Variants in TMEM132D observed in about 807,000 individuals in gnomAD.
The protein encoded by TMEM132D is mature OL transmembrane protein.
In TMEM132D, 21 loss-of-function variants were observed where a neutral mutation model predicts 62.3. The ratio of observed to expected loss-of-function variants is 0.34; its 90% confidence interval spans 0.24 to 0.49. The LOEUF (loss-of-function observed/expected upper bound fraction) is 0.49. Among genes scored for constraint, TMEM132D ranks in the 20% least tolerant of loss-of-function variants. The pLI, the probability that TMEM132D is intolerant of heterozygous loss-of-function variation, is 0.99. For missense variants in TMEM132D, 1,346 were observed against 1,402.8 expected (o/e 0.96, Z 0.65); for synonymous variants, 621 against 575.6 (o/e 1.08, Z -1.13).
At chr12:129,417,719 A>C (rs921011483) in intron 3 of TMEM132D, among the ~76,000 whole-genome samples, 1 of 152,326 alleles carries the variant, frequency 6.6e-6, no homozygotes, top group South Asian at 2.1e-4. Context: ...AATCAAACTA[A>C]AGAGCTTCTG....
At chr12:129,302,793 G>A (rs1881754094) in intron 4 of TMEM132D, among the ~76,000 whole-genome samples, 1 of 152,210 alleles carries the variant, frequency 6.6e-6, no homozygotes, top group Non-Finnish European at 1.5e-5. Context: ...ACACAGCGAA[G>A]CTCGAGCTCA....
At chr12:129,252,617 G>T (rs1049681747) in intron 4 of TMEM132D, among the ~76,000 whole-genome samples, 10 of 152,304 alleles carry the variant, frequency 6.6e-5, no homozygotes, top group African/African-American at 2.2e-4. Flanking sequence ...TTCGACCATT[G>T]TGGAAGTCAG....
chr12:129,883,297 G>A (rs1874660281), intron 1 of TMEM132D, among the ~76,000 whole-genome samples: 1 of 152,068 alleles, frequency 6.6e-6, no homozygotes, highest in African/African-American at 2.4e-5. Flanking sequence ...CCAAAAATCT[G>A]GAAGACCAGT....
At chr12:129,330,718 C>G (rs977432720) in intron 4 of TMEM132D, among the ~76,000 whole-genome samples, 1 of 152,220 alleles carries the variant, frequency 6.6e-6, no homozygotes, top group Non-Finnish European at 1.5e-5. Flanking sequence ...GTCTTCACCA[C>G]CTGTGGCCTC....
chr12:129,567,935 C>T (rs1359172185), intron 2 of TMEM132D, among the ~76,000 whole-genome samples: 1 of 152,138 alleles, frequency 6.6e-6, no homozygotes, highest in Non-Finnish European at 1.5e-5. Context: ...TCCCATATGT[C>T]TTGATGTCTG....
chr12:129,875,530 T>A (rs534127877), intron 1 of TMEM132D, among the ~76,000 whole-genome samples: 23 of 152,174 alleles, frequency 1.5e-4, no homozygotes, highest in African/African-American at 5.5e-4. Context: ...CTGAGTCCCA[T>A]TTAGAGAGGA....
chr12:129,320,885 T>C (rs1376205577), intron 4 of TMEM132D, among the ~76,000 whole-genome samples: 1 of 152,104 alleles, frequency 6.6e-6, no homozygotes, highest in Non-Finnish European at 1.5e-5. Flanking sequence ...TATAAGGACA[T>C]GCGAAAGAGG....
chr12:129,505,164 C>T (rs993367436), intron 3 of TMEM132D, among the ~76,000 whole-genome samples: 1 of 151,836 alleles, frequency 6.6e-6, no homozygotes, highest in African/African-American at 2.4e-5. Context: ...GTTCCATGCA[C>T]TGATGAACAG....
At chr12:129,758,936 CTT>C (rs570116732) in intron 1 of TMEM132D, among the ~76,000 whole-genome samples, 30 of 138,174 alleles carry the variant, frequency 2.2e-4, no homozygotes, top group Non-Finnish European at 1.6e-4. Context: ...TTCTTTCTTT[CTT>C]TTTTTTTTTT....
At chr12:129,600,481 A>G (rs1042780027) in intron 2 of TMEM132D, among the ~76,000 whole-genome samples, 1 of 152,198 alleles carries the variant, frequency 6.6e-6, no homozygotes, top group Non-Finnish European at 1.5e-5. Context: ...TCTTCATGGC[A>G]TCAAGAATGG....
intron 1 of TMEM132D, among the ~76,000 whole-genome samples, chr12:129,767,520 G>C (rs542318191): frequency 6.6e-6 from 1 of 152,230 alleles, no homozygotes; most frequent in Non-Finnish European, 1.5e-5. Context: ...CTCAGCCCCT[G>C]ACAACCATCA....
chr12:129,799,915 T>A (rs748774225), intron 1 of TMEM132D, among the ~76,000 whole-genome samples: 24 of 151,884 alleles, frequency 1.6e-4, no homozygotes, highest in Non-Finnish European at 2.6e-4. Flanking sequence ...TCCCTAGGAG[T>A]CTGTCATCTT....
chr12:129,109,225 A>G (rs1875603649), intron 5 of TMEM132D, among the ~76,000 whole-genome samples: 1 of 152,188 alleles, frequency 6.6e-6, no homozygotes, highest in African/African-American at 2.4e-5. Flanking sequence ...CCTTCTAGAT[A>G]AAGGTGAGGC....
chr12:129,603,465 C>G (rs1050709845), intron 2 of TMEM132D, among the ~76,000 whole-genome samples: 1 of 152,152 alleles, frequency 6.6e-6, no homozygotes, highest in Non-Finnish European at 1.5e-5. Flanking sequence ...TCCTCCATGT[C>G]TTTTCAGGGC....
chr12:129,422,149 T>A (rs997369467), intron 3 of TMEM132D, among the ~76,000 whole-genome samples: 18 of 149,056 alleles, frequency 1.2e-4, no homozygotes, highest in African/African-American at 4.4e-4. Flanking sequence ...CTGACACTAA[T>A]GTTAATATTT....
intron 2 of TMEM132D, among the ~76,000 whole-genome samples, chr12:129,661,843 A>G (rs918607898): frequency 2.6e-5 from 4 of 152,216 alleles, no homozygotes; most frequent in Non-Finnish European, 5.9e-5. Flanking sequence ...TGTGTCTGCA[A>G]GTCAGTACTG....
At chr12:129,210,644 C>T (rs1055953873) in intron 4 of TMEM132D, among the ~76,000 whole-genome samples, 14 of 152,278 alleles carry the variant, frequency 9.2e-5, no homozygotes, top group Admixed American at 3.9e-4. Context: ...TTATTTAATC[C>T]CTTTATCTCT....
chr12:129,868,734 T>G (rs7958444), intron 1 of TMEM132D, among the ~76,000 whole-genome samples: 2 of 151,956 alleles, frequency 1.3e-5, no homozygotes, highest in Non-Finnish European at 1.5e-5. Flanking sequence ...GGACAAGCTG[T>G]TCTTCTAGAA....
intron 2 of TMEM132D, among the ~76,000 whole-genome samples, chr12:129,574,206 G>T (rs989301273): frequency 6.6e-5 from 10 of 151,930 alleles, no homozygotes; most frequent in African/African-American, 1.9e-4. Flanking sequence ...ATTAATAGAT[G>T]CAAGAAGGAT....
Sources: gnomAD v4.1 joint callset for allele counts (sites outside exome capture counted in the v4.1 genomes callset) on GRCh38, gnomAD v4.1.1 for gene constraint, MANE v1.5 for transcripts, NCBI Gene and HGNC (gene_info 2026-07-23, HGNC 2026-07-21) for gene names.